Variants in DGLUCY observed in about 807,000 individuals in gnomAD.
DGLUCY encodes the protein D-glutamate cyclase, mitochondrial.
DGLUCY carries 58 observed loss-of-function variants against 58.5 expected under a neutral mutation model. That is an observed-to-expected ratio of 0.99 (90% CI 0.80 to 1.23). DGLUCY has a LOEUF of 1.23. Ranked by LOEUF, DGLUCY falls within the 50% of genes most tolerant of loss-of-function variation. The pLI is 0.00. For missense variants in DGLUCY, 779 were observed against 784.7 expected (o/e 0.99, Z 0.09); for synonymous variants, 325 against 314.1 (o/e 1.03, Z -0.37).
chr14:91,098,468 A>G (rs1461576705), intron 1 of DGLUCY, among the ~76,000 whole-genome samples: 1 of 152,230 alleles, frequency 6.6e-6, no homozygotes, highest in Admixed American at 6.5e-5. Context: ...AAAATAAAAA[A>G]TAAAATAATT....
intron 1 of DGLUCY, among the ~76,000 whole-genome samples, chr14:91,101,355 C>T (rs1176073548): frequency 6.6e-6 from 1 of 152,170 alleles, no homozygotes; most frequent in African/African-American, 2.4e-5. Context: ...CTAAATTTGA[C>T]TCTTTTAGAA....
Position 91,160,332 on chromosome 14 carries a change from C to G in DGLUCY, c.38C>G (p.Ser13Cys). The change falls in exon 3 of 14, where the codon TCT becomes TGT. Residue 13 changes from serine (S) to cysteine (C), a missense_variant. Ser to Cys is a moderately radical substitution (Grantham distance 112). Coordinates refer to ENST00000256324, the MANE Select transcript of DGLUCY (RefSeq NM_001102368.3). ...CTCCACCTGAGGTCCCGCCTTCCCT[C>G]TGCCATAAGGAGTTTGATTCTACAA... ...FTLHLRSRLP[S>C]AIRSLILQKK... 6.2e-7 allele frequency: 1 copy of G among 1,612,182 alleles called. No individual in the cohort carries two copies. The highest frequency in any genetic ancestry group is 8.5e-7 in the Non-Finnish European group (1 of 1,179,548).
Position 91,225,464 on chromosome 14 carries a change from C to G in DGLUCY, c.*631C>G, listed in dbSNP as rs750679158. The G allele has an allele frequency of 1.3e-5, 2 of 152,236 alleles. No homozygotes were observed. The highest frequency in any genetic ancestry group is 4.8e-5 in the African/African-American group (2 of 41,424). The allele number at this position is 152,236 out of a possible 1,614,324, so 9.4% of individuals were successfully genotyped here. ...GGGTACCCGTGCTGTCTACACCACCCGCCTGCCAGTCACCCAGCAGGTGAT... is the reference window on the plus strand; with the variant it reads ...GGGTACCCGTGCTGTCTACACCACCGGCCTGCCAGTCACCCAGCAGGTGAT... On this transcript the variant is annotated 3_prime_UTR_variant, in exon 14 of 14. Transcript: ENST00000256324.
At chr14:91,155,869 C>T (rs1436194969) in intron 1 of DGLUCY, among the ~76,000 whole-genome samples, 1 of 151,858 alleles carries the variant, frequency 6.6e-6, no homozygotes, top group Non-Finnish European at 1.5e-5. Context: ...CACCCCAAGG[C>T]ACAACTCCAG....
rs1400089986 is a variant in DGLUCY, at chr14:91,181,272, C to A, written c.817C>A (p.Pro273Thr). ...AAAGGCTCCACCTGGTTGTCTCACC[C>A]CAGAGAGAATTCCAGAGGTCCATCA... ...DAKAPPGCLT[P>T]ERIPEVHHIS... The change falls in exon 8 of 14, where the codon CCA becomes ACA. Residue 273 changes from proline (P) to threonine (T), a missense_variant. Physicochemically the swap from Pro to Thr is conservative, Grantham distance 38. Coordinates refer to ENST00000256324, the MANE Select transcript of DGLUCY (RefSeq NM_001102368.3). The A allele has an allele frequency of 1.9e-6, 3 of 1,614,136 alleles. No homozygotes were observed. The African/African-American group carries it at 4.0e-5, about 22-fold the overall frequency.
intron 1 of DGLUCY, among the ~76,000 whole-genome samples, chr14:91,155,907 C>T (rs934745408): frequency 4.6e-5 from 7 of 151,992 alleles, no homozygotes; most frequent in Non-Finnish European, 8.8e-5. Flanking sequence ...AAATGTAGTG[C>T]GACAGCCACT....
At chr14:91,147,407 T>G (rs2047068322) in intron 1 of DGLUCY, among the ~76,000 whole-genome samples, 1 of 152,166 alleles carries the variant, frequency 6.6e-6, no homozygotes, top group African/African-American at 2.4e-5. Flanking sequence ...TTTCAGTTTG[T>G]GAAGCCACAG....
At chr14:91,102,743 A>ACGTGTGTG (rs778918997) in intron 1 of DGLUCY, among the ~76,000 whole-genome samples, 19 of 130,586 alleles carry the variant, frequency 1.5e-4, no homozygotes, top group Admixed American at 2.3e-4. Context: ...TCCAGTGTGT[A>ACGTGTGTG]TGTGTGTGTG....
At chr14:91,177,410 A>G (rs1291110151) in intron 7 of DGLUCY, among the ~76,000 whole-genome samples, 1 of 152,230 alleles carries the variant, frequency 6.6e-6, no homozygotes, top group Non-Finnish European at 1.5e-5. Flanking sequence ...TGGGGCCTTG[A>G]AAACAAAGGT....
chr14:91,177,238 T>C (rs1023109369), intron 7 of DGLUCY, among the ~76,000 whole-genome samples: 1 of 152,146 alleles, frequency 6.6e-6, no homozygotes, highest in Admixed American at 6.6e-5. Flanking sequence ...TGGGCTCAAG[T>C]GATTCTCCTG....
intron 12 of DGLUCY, among the ~76,000 whole-genome samples, chr14:91,205,203 G>A (rs533078675): frequency 1.3e-5 from 2 of 152,320 alleles, no homozygotes; most frequent in Admixed American, 1.3e-4. Flanking sequence ...TCAGATCAGT[G>A]GTCAGGAAGG....
At chr14:91,122,865 C>A (rs2045466461) in intron 1 of DGLUCY, among the ~76,000 whole-genome samples, 1 of 152,088 alleles carries the variant, frequency 6.6e-6, no homozygotes, top group Admixed American at 6.6e-5. Flanking sequence ...CCTCAGCCTC[C>A]CAAAGTGCTG....
chr14:91,109,411 T>G (rs1216874776), upstream of DGLUCY, among the ~76,000 whole-genome samples: 2 of 151,876 alleles, frequency 1.3e-5, no homozygotes, highest in African/African-American at 2.4e-5. Context: ...TCAAGGAGAG[T>G]GGCTGGCTGG....
chr14:91,177,140 A>C (rs1011391779), intron 7 of DGLUCY, among the ~76,000 whole-genome samples: 11 of 152,120 alleles, frequency 7.2e-5, no homozygotes, highest in African/African-American at 2.7e-4. Flanking sequence ...CTGGGACTAC[A>C]GGCATACGCC....
chr14:91,203,008 T>A (rs1228037675), intron 11 of DGLUCY, among the ~76,000 whole-genome samples: 2 of 152,192 alleles, frequency 1.3e-5, no homozygotes, highest in Non-Finnish European at 2.9e-5. Flanking sequence ...GGCATAGTGC[T>A]CAATTGAGAA....
chr14:91,142,140 C>T (rs1383897132), intron 1 of DGLUCY, among the ~76,000 whole-genome samples: 1 of 152,184 alleles, frequency 6.6e-6, no homozygotes. Flanking sequence ...GCCATCGTGC[C>T]CGGCCAGAGA....
chr14:91,171,559 TC>T, intron 5 of DGLUCY, among the ~76,000 whole-genome samples: 1 of 152,304 alleles, frequency 6.6e-6, no homozygotes, highest in African/African-American at 2.4e-5. Flanking sequence ...CTCCAGCATG[TC>T]CCCTCTCCTG....
intron 1 of DGLUCY, among the ~76,000 whole-genome samples, chr14:91,151,985 C>T (rs1296051961): frequency 4.6e-5 from 7 of 152,286 alleles, no homozygotes; most frequent in East Asian, 3.9e-4. Flanking sequence ...AGACCCTACC[C>T]GCCATTCCCC....
chr14:91,209,960 A>G (rs777473213), intron 12 of DGLUCY, among the ~76,000 whole-genome samples: 4 of 152,342 alleles, frequency 2.6e-5, no homozygotes, highest in East Asian at 1.9e-4. Context: ...GGGGGATTAC[A>G]TAATGATAAA....
Sources: allele counts gnomAD v4.1 joint callset (sites outside exome capture counted in the v4.1 genomes callset), GRCh38; gene constraint gnomAD v4.1.1; transcripts MANE v1.5; gene names NCBI Gene and HGNC (gene_info 2026-07-23, HGNC 2026-07-21).